CTNNA2: variants seen among roughly 807,000 people sequenced by gnomAD.
CTNNA2 encodes the protein catenin alpha 2, also known as catenin alpha-2.
A neutral mutation model predicts 101.0 loss-of-function variants in CTNNA2; 42 were observed. The ratio of observed to expected loss-of-function variants is 0.42; its 90% confidence interval spans 0.32 to 0.54. The LOEUF (loss-of-function observed/expected upper bound fraction) is 0.54, where lower values mean the gene tolerates loss of function less well. Among genes scored for constraint, CTNNA2 ranks in the 20% least tolerant of loss-of-function variants. The probability of loss-of-function intolerance (pLI) is 0.14; values close to 1 mark genes in which losing one functional copy is unlikely to be tolerated. For synonymous variants in CTNNA2, 450 were observed against 456.4 expected, an observed-to-expected ratio of 0.99 and a Z score of 0.18; for missense variants, 871 against 1,223.1, an observed-to-expected ratio of 0.71 and a Z score of 4.29.
chr2:79,750,310 A>C (rs1671932949), intron 3 of CTNNA2, among the ~76,000 whole-genome samples: 2 of 152,172 alleles, frequency 1.3e-5, no homozygotes, highest in Admixed American at 1.3e-4. Context: ...AAGATCTTGA[A>C]ATCTTTATGT....
intron 1 of CTNNA2, among the ~76,000 whole-genome samples, chr2:79,571,990 G>T (rs527393814): frequency 6.6e-6 from 1 of 152,062 alleles, no homozygotes; most frequent in African/African-American, 2.4e-5. Flanking sequence ...AACTCCCAGC[G>T]TGCCCATTTT....
At chr2:80,100,203 G>A (rs1474216756) in intron 7 of CTNNA2, among the ~76,000 whole-genome samples, 1 of 152,100 alleles carries the variant, frequency 6.6e-6, no homozygotes, top group African/African-American at 2.4e-5. Flanking sequence ...CAAAGTGCTG[G>A]GATTACAGAT....
At chr2:80,219,906 C>A (rs182634549) in intron 7 of CTNNA2, among the ~76,000 whole-genome samples, 4 of 152,148 alleles carry the variant, frequency 2.6e-5, no homozygotes, top group African/African-American at 9.6e-5. Context: ...CATTTTATAT[C>A]AACTGTTTAC....
At chr2:79,609,700 T>A (rs1558769030) in intron 1 of CTNNA2, among the ~76,000 whole-genome samples, 2 of 152,150 alleles carry the variant, frequency 1.3e-5, no homozygotes, top group African/African-American at 4.8e-5. Context: ...GCAGGATGCA[T>A]ACATAGTCTT....
At chr2:79,230,339 T>G (rs1237168934) in intron 2 of CTNNA2, among the ~76,000 whole-genome samples, 1 of 152,136 alleles carries the variant, frequency 6.6e-6, no homozygotes, top group Non-Finnish European at 1.5e-5. Flanking sequence ...ACTCCAGCCA[T>G]GGCTAAAAAG....
rs71386618 is a variant in CTNNA2, at chr2:80,243,708, A to AATAT, written c.1057-149500_1057-149499insTATA. On this transcript the variant is annotated intron_variant, in intron 7 of 18. Transcript: ENST00000402739. The stretch of plus-strand genomic sequence containing the variant: ...TTGTTTCCAGCTTGGAACTATAACA[A>AATAT]ATAAAGTTGCTAGGGGCATTTGTGT... Among the ~76,000 whole-genome samples the AATAT allele has an allele frequency of 1.9e-3, 291 of 152,364 alleles. 1 individual carries two copies. Among genetic ancestry groups the AATAT allele is most frequent in the Middle Eastern group, 0.01 (3 of 294 alleles).
intron 3 of CTNNA2, among the ~76,000 whole-genome samples, chr2:79,354,686 C>G (rs1677466675): frequency 6.6e-6 from 1 of 152,066 alleles, no homozygotes; most frequent in Non-Finnish European, 1.5e-5. Context: ...GCTTAACTAT[C>G]CTTGGGCATC....
intron 2 of CTNNA2, among the ~76,000 whole-genome samples, chr2:79,662,263 A>G (rs866087236): frequency 6.6e-6 from 1 of 152,016 alleles, no homozygotes; most frequent in Non-Finnish European, 1.5e-5. Context: ...ATGAATATGC[A>G]CTCTTCCTTT....
chr2:79,908,785 T>A (rs188050343), intron 6 of CTNNA2, among the ~76,000 whole-genome samples: 66 of 152,322 alleles, frequency 4.3e-4, no homozygotes, highest in Non-Finnish European at 7.8e-4. Context: ...CAAATACCCC[T>A]GACATTTACC....
intron 7 of CTNNA2, among the ~76,000 whole-genome samples, chr2:80,355,247 G>C (rs765958709): frequency 6.6e-6 from 1 of 152,152 alleles, no homozygotes; most frequent in Non-Finnish European, 1.5e-5. Flanking sequence ...TGACTTTACA[G>C]ACTCTCCTCC....
At chr2:80,336,617 C>G (rs534346433) in intron 7 of CTNNA2, among the ~76,000 whole-genome samples, 1 of 152,166 alleles carries the variant, frequency 6.6e-6, no homozygotes, top group African/African-American at 2.4e-5. Context: ...ATCTCAAACC[C>G]CTATATAGTA....
At chr2:80,234,179 G>A (rs778357871) in intron 7 of CTNNA2, among the ~76,000 whole-genome samples, 19 of 151,886 alleles carry the variant, frequency 1.3e-4, no homozygotes, top group South Asian at 6.2e-4. Flanking sequence ...CCCAAGGTAC[G>A]CACCAGCATG....
At chr2:79,811,852 C>T (rs564972704) in intron 3 of CTNNA2, among the ~76,000 whole-genome samples, 44 of 152,244 alleles carry the variant, frequency 2.9e-4, no homozygotes, top group African/African-American at 1.0e-3. Flanking sequence ...AACTCCCAGT[C>T]CATGAACACA....
chr2:79,805,960 A>C (rs1676542390), intron 3 of CTNNA2, among the ~76,000 whole-genome samples: 1 of 152,162 alleles, frequency 6.6e-6, no homozygotes, highest in East Asian at 1.9e-4. Flanking sequence ...AGATAAGTTT[A>C]TAAGAAAAGA....
At chr2:80,125,394 A>G (rs1200592223) in intron 7 of CTNNA2, among the ~76,000 whole-genome samples, 1 of 152,160 alleles carries the variant, frequency 6.6e-6, no homozygotes, top group Non-Finnish European at 1.5e-5. Context: ...GACAAGGACT[A>G]TCTCTGATGC....
At chr2:80,598,666 A>G (rs964286935) in intron 15 of CTNNA2, among the ~76,000 whole-genome samples, 3 of 145,152 alleles carry the variant, frequency 2.1e-5, no homozygotes, top group Non-Finnish European at 4.5e-5. Flanking sequence ...TAAATGGTTA[A>G]GCAAACTATG....
chr2:80,272,609 T>C lies in CTNNA2; in HGVS notation c.1057-120602T>C, dbSNP rs117163922. Among the ~76,000 whole-genome samples the C allele has an allele frequency of 2.8e-4, 43 of 152,308 alleles. No individual in the cohort carries two copies. The East Asian group carries it at 7.5e-3, about 27-fold the overall frequency. On this transcript the variant is annotated intron_variant, in intron 7 of 18. Coordinates refer to ENST00000402739, the MANE Select transcript of CTNNA2 (RefSeq NM_001282597.3). Reference sequence around the variant, plus strand: ...TACTTTTTTATGCCCCTTCTTCATCTCTAGCATAGCTGAGAACAACTCCAT... The same window carrying C: ...TACTTTTTTATGCCCCTTCTTCATCCCTAGCATAGCTGAGAACAACTCCAT...
intron 9 of CTNNA2, among the ~76,000 whole-genome samples, chr2:80,496,859 T>G (rs1687516715): frequency 6.6e-6 from 1 of 152,224 alleles, no homozygotes; most frequent in South Asian, 2.1e-4. Context: ...ACTTGAAAAA[T>G]TAGTGCTTTC....
chr2:79,270,239 A>C (rs1171482275), intron 2 of CTNNA2, among the ~76,000 whole-genome samples: 1 of 152,108 alleles, frequency 6.6e-6, no homozygotes, highest in East Asian at 1.9e-4. Flanking sequence ...TGTAAAAAAA[A>C]TATATGACAA....
Sources: gnomAD v4.1 joint callset for allele counts (sites outside exome capture counted in the v4.1 genomes callset) on GRCh38, gnomAD v4.1.1 for gene constraint, MANE v1.5 for transcripts, NCBI Gene and HGNC (gene_info 2026-07-23, HGNC 2026-07-21) for gene names.